The following KIF26B variants were observed in gnomAD, a reference collection of about 807,000 sequenced individuals.
The protein encoded by KIF26B is kinesin-like protein KIF26B.
KIF26B carries 63 observed loss-of-function variants against 151.2 expected under a neutral mutation model. The ratio of observed to expected loss-of-function variants is 0.42; its 90% confidence interval spans 0.34 to 0.51. The LOEUF is 0.51. KIF26B is among the 20% of genes least tolerant of loss of function. KIF26B has a pLI of 0.07. For synonymous variants in KIF26B, 1,357 were observed against 1,262.1 expected, an observed-to-expected ratio of 1.08 and a Z score of -1.59; for missense variants, 2,813 against 2,913.6, an observed-to-expected ratio of 0.97 and a Z score of 0.79.
intron 4 of KIF26B, among the ~76,000 whole-genome samples, chr1:245,521,134 A>C (rs10924232): frequency 6.6e-6 from 1 of 151,810 alleles, no homozygotes; most frequent in Admixed American, 6.6e-5. Context: ...TCAGGAGATC[A>C]AGACCATCCT....
chr1:245,575,325 A>C (rs2043108772), intron 5 of KIF26B, among the ~76,000 whole-genome samples: 2 of 151,908 alleles, frequency 1.3e-5, no homozygotes, highest in Non-Finnish European at 2.9e-5. Flanking sequence ...AAATACAAAA[A>C]TTAGCCAGGC....
chr1:245,296,125 A>G (rs1164196708), intron 2 of KIF26B, among the ~76,000 whole-genome samples: 2 of 151,408 alleles, frequency 1.3e-5, no homozygotes, highest in Admixed American at 6.6e-5. Context: ...ACTAGGACCT[A>G]TGACTTTGGG....
rs3806273 is a variant in KIF26B at position 245,687,204 on chromosome 1, G to A, written c.4221G>A (p.Pro1407=). 28 of 1,612,512 alleles carry A rather than the reference G, an allele frequency of 1.7e-5. No homozygotes were observed. The highest frequency in any genetic ancestry group is 1.7e-4 in the Admixed American group (10 of 59,830). The change falls in exon 12 of 15, where the codon CCG becomes CCA. Residue 1407 remains proline, a synonymous_variant. Transcript: ENST00000407071. This position sits in a 1 kb window ranked among gnomAD's most constrained non-coding sequence, Gnocchi z 4.9. ...IAMSPRNIQE[P]EAPTATPKAG... ...TGAGCCCCCGGAACATCCAAGAGCCGGAGGCCCCCACCGCCACCCCCAAAG... is the reference window on the plus strand; with the variant it reads ...TGAGCCCCCGGAACATCCAAGAGCCAGAGGCCCCCACCGCCACCCCCAAAG...
chr1:245,671,084 A>T (rs936218213), intron 10 of KIF26B, among the ~76,000 whole-genome samples: 1 of 152,186 alleles, frequency 6.6e-6, no homozygotes, highest in Non-Finnish European at 1.5e-5. Flanking sequence ...CTCACAAACA[A>T]GTGAGAACAT....
At position 245,485,458 on chromosome 1, in the gene KIF26B, A is replaced by T. The variant is rs1660260186; in HGVS notation, c.1167-55309A>T. 2.1e-5 allele frequency among the ~76,000 whole-genome samples: 3 copies of T among 146,300 alleles called. 1 individual carries two copies. The Middle Eastern group carries it at 0.011, about 534-fold the overall frequency. ...GAGTGCAATGGCGTGATCTCGGCTC[A>T]CTGCAACCTCCACCTCCCAGGCTCA... On this transcript the variant is annotated intron_variant, in intron 4 of 14. Coordinates refer to ENST00000407071, the MANE Select transcript of KIF26B (RefSeq NM_018012.4).
At chr1:245,308,263 C>T (rs1374739925) in intron 2 of KIF26B, among the ~76,000 whole-genome samples, 1 of 152,128 alleles carries the variant, frequency 6.6e-6, no homozygotes, top group Non-Finnish European at 1.5e-5. Context: ...GTGGCCTTGT[C>T]TTTGAAATAC....
At chr1:245,513,211 C>T (rs563044831) in intron 4 of KIF26B, among the ~76,000 whole-genome samples, 1 of 149,432 alleles carries the variant, frequency 6.7e-6, no homozygotes, top group Non-Finnish European at 1.5e-5. Flanking sequence ...AACCTGCACC[C>T]CCCCCCAACC....
chr1:245,616,310 C>G (rs1160576720), intron 9 of KIF26B, among the ~76,000 whole-genome samples: 1 of 152,196 alleles, frequency 6.6e-6, no homozygotes, highest in African/African-American at 2.4e-5. Flanking sequence ...GGAGGCCTTC[C>G]TCTGCTTTGC....
chr1:245,441,459 T>G (rs1659102484), intron 4 of KIF26B, among the ~76,000 whole-genome samples: 1 of 152,132 alleles, frequency 6.6e-6, no homozygotes, highest in South Asian at 2.1e-4. Context: ...TGCTGGCATC[T>G]AGTCTGCTGT....
chr1:245,198,975 G>C (rs1669248874), intron 2 of KIF26B, among the ~76,000 whole-genome samples: 1 of 152,096 alleles, frequency 6.6e-6, no homozygotes, highest in Non-Finnish European at 1.5e-5. Context: ...TGGCCGCTGA[G>C]CTGAGCTGAG....
At position 245,540,535 on chromosome 1, in the gene KIF26B, G is replaced by T. The variant is rs745441011; in HGVS notation, c.1167-232G>T. 6 of 695,230 alleles carry T rather than the reference G, an allele frequency of 8.6e-6. No individual in the cohort carries two copies. Among genetic ancestry groups the T allele is most frequent in the Non-Finnish European group, 1.3e-5 (5 of 380,166 alleles). 43.1% of individuals were successfully genotyped at this position (695,230 alleles called of 1,614,324 possible). A position where few individuals can be genotyped will look rare whatever the true frequency, so the allele number is the denominator to read the frequency against. ...TCATTCTTTGTAAATCGTGATTGCA[G>T]AATCCTGCTATTTTATGGCTTTGTT... is the stretch of plus-strand genomic sequence containing the variant. On this transcript the variant is annotated intron_variant, in intron 4 of 14. Transcript: ENST00000407071. The surrounding 1 kb of genome is among the most constrained non-coding windows in gnomAD (Gnocchi z 4.6).
At chr1:245,646,508 A>G (rs1002063888) in intron 10 of KIF26B, among the ~76,000 whole-genome samples, 23 of 152,170 alleles carry the variant, frequency 1.5e-4, no homozygotes, top group Admixed American at 1.4e-3. Flanking sequence ...GGCTGCTCAA[A>G]TTAGAGGAAA....
intron 5 of KIF26B, among the ~76,000 whole-genome samples, chr1:245,567,768 T>A (rs938229558): frequency 6.6e-6 from 1 of 152,184 alleles, no homozygotes; most frequent in African/African-American, 2.4e-5. Context: ...AAACTCTTTC[T>A]TTTCAGTACT....
intron 2 of KIF26B, among the ~76,000 whole-genome samples, chr1:245,185,437 A>AG (rs1262509111): frequency 1.3e-5 from 2 of 152,182 alleles, no homozygotes; most frequent in Non-Finnish European, 2.9e-5. Flanking sequence ...AGCACAAGGA[A>AG]GGGAGGGGGG....
At chr1:245,184,054 T>TTTG (rs1302638676) in intron 2 of KIF26B, among the ~76,000 whole-genome samples, 5 of 113,242 alleles carry the variant, frequency 4.4e-5, no homozygotes, top group African/African-American at 1.6e-4. Context: ...GTTGTTGTTT[T>TTTG]TTTTTTTTTT....
chr1:245,190,523 G>A (rs919157008), intron 2 of KIF26B, among the ~76,000 whole-genome samples: 5 of 151,968 alleles, frequency 3.3e-5, no homozygotes, highest in African/African-American at 4.8e-5. Flanking sequence ...TCATTTTCCC[G>A]GGAGTACCTT....
chr1:245,386,749 C>T (rs563011324), intron 3 of KIF26B, among the ~76,000 whole-genome samples: 1 of 152,334 alleles, frequency 6.6e-6, no homozygotes, highest in African/African-American at 2.4e-5. Context: ...CAGCAAATGT[C>T]ACCACTTATT....
At position 245,687,202 on chromosome 1, in the gene KIF26B, C is replaced by T. The variant is rs2044539764; in HGVS notation, c.4219C>T (p.Pro1407Ser). Residue 1407 changes from proline to serine, a missense_variant, in exon 12 of 15, where the codon CCG becomes TCG. Pro to Ser is a moderately conservative substitution (Grantham distance 74). Around this residue, in one of 3 missense-constraint regions of KIF26B, gnomAD observed 2,060 missense variants for 2,088.6 expected, o/e 0.99. Coordinates refer to ENST00000407071, the MANE Select transcript of KIF26B (RefSeq NM_018012.4). The surrounding 1 kb of genome is among the most constrained non-coding windows in gnomAD (Gnocchi z 4.9). ...IAMSPRNIQE[P>S]EAPTATPKAG... ...CATGAGCCCCCGGAACATCCAAGAG[C>T]CGGAGGCCCCCACCGCCACCCCCAA... 6.2e-7 allele frequency: 1 copy of T among 1,612,854 alleles called. No homozygotes were observed. The highest frequency in any genetic ancestry group is 8.5e-7 in the Non-Finnish European group (1 of 1,179,654).
At chr1:245,181,194 C>A (rs1037586931) in intron 2 of KIF26B, among the ~76,000 whole-genome samples, 1 of 152,084 alleles carries the variant, frequency 6.6e-6, no homozygotes, top group Non-Finnish European at 1.5e-5. Context: ...CTCTTTACCC[C>A]GATTTCCCCC....
Sources: allele counts gnomAD v4.1 joint callset (sites outside exome capture counted in the v4.1 genomes callset), GRCh38; gene constraint gnomAD v4.1.1; regional missense constraint gnomAD v4.1.1; non-coding constraint Gnocchi (gnomAD v3.1); transcripts MANE v1.5; gene names NCBI Gene and HGNC (gene_info 2026-07-23, HGNC 2026-07-21).